WWOX: variants seen among roughly 807,000 people sequenced by gnomAD.
WWOX encodes WW domain containing oxidoreductase.
In WWOX, 69 loss-of-function variants were observed where a neutral mutation model predicts 46.2. The ratio of observed to expected loss-of-function variants is 1.49; its 90% CI spans 1.23 to 1.82. The LOEUF is 1.82. Ranked by LOEUF, WWOX falls within the 40% of genes most tolerant of loss-of-function variation. The pLI, the probability that WWOX is intolerant of heterozygous loss-of-function variation, is 0.00. For missense variants in WWOX, 919 were observed against 542.6 expected, an observed-to-expected ratio of 1.69 and a Z score of -6.89; for synonymous variants, 359 against 202.6, an observed-to-expected ratio of 1.77 and a Z score of -6.56.
At chr16:79,116,419 A>G (rs1018164495) in intron 8 of WWOX, among the ~76,000 whole-genome samples, 5 of 152,220 alleles carry the variant, frequency 3.3e-5, no homozygotes, top group Admixed American at 6.5e-5. Flanking sequence ...GGAATATTCT[A>G]AATCCTCTGT....
intron 7 of WWOX, among the ~76,000 whole-genome samples, chr16:78,429,061 C>T (rs1297850307): frequency 6.6e-6 from 1 of 152,204 alleles, no homozygotes; most frequent in Non-Finnish European, 1.5e-5. Flanking sequence ...CATGACCAAA[C>T]TGTAATCATC....
chr16:78,786,341 A>G (rs1202909557), intron 8 of WWOX, among the ~76,000 whole-genome samples: 1 of 152,206 alleles, frequency 6.6e-6, no homozygotes, highest in Non-Finnish European at 1.5e-5. Context: ...TAAGTTATAA[A>G]TATGAGATCA....
At chr16:79,022,422 G>T (rs750500079) in intron 8 of WWOX, among the ~76,000 whole-genome samples, 1 of 149,578 alleles carries the variant, frequency 6.7e-6, no homozygotes, top group Admixed American at 6.7e-5. Context: ...ACATGCCCCA[G>T]TCGCTAGTAA....
In WWOX at chr16:78,814,437, A is replaced by G. The variant is rs116138240; in HGVS notation, c.1056+381685A>G. Among the ~76,000 whole-genome samples, 626 of 152,136 alleles carry G rather than the reference A, an allele frequency of 4.1e-3. 4 individuals carry two copies. Among genetic ancestry groups the G allele is most frequent in the African/African-American group, 0.014 (589 of 41,510 alleles). ...AATCCTTACATCCCCTAATAAAACC[A>G]CTGTGTGATGAAACTACCAAGAAGC... On this transcript the variant is annotated intron_variant, in intron 8 of 8. Coordinates refer to ENST00000566780, the MANE Select transcript of WWOX (RefSeq NM_016373.4).
intron 8 of WWOX, among the ~76,000 whole-genome samples, chr16:78,804,551 G>T (rs1389482799): frequency 6.6e-6 from 1 of 152,224 alleles, no homozygotes; most frequent in Admixed American, 6.5e-5. Flanking sequence ...AGCCTGATGA[G>T]AACTGTGGTT....
chr16:78,261,606 A>G (rs1411451684), intron 5 of WWOX, among the ~76,000 whole-genome samples: 2 of 150,250 alleles, frequency 1.3e-5, no homozygotes, highest in African/African-American at 4.9e-5. Context: ...AACCTTAGGA[A>G]AAAAAGTCTG....
chr16:78,800,029 A>G (rs1454351564), intron 8 of WWOX, among the ~76,000 whole-genome samples: 1 of 152,158 alleles, frequency 6.6e-6, no homozygotes, highest in Non-Finnish European at 1.5e-5. Flanking sequence ...AAATGGGCAG[A>G]AGGGAAGGAA....
chr16:78,216,431 T>G (rs2036723830), intron 5 of WWOX, among the ~76,000 whole-genome samples: 1 of 152,178 alleles, frequency 6.6e-6, no homozygotes. Flanking sequence ...ATGTATTGTC[T>G]TTCAGTTCTG....
At chr16:78,811,713 G>A (rs2051194214) in intron 8 of WWOX, among the ~76,000 whole-genome samples, 1 of 151,870 alleles carries the variant, frequency 6.6e-6, no homozygotes, top group African/African-American at 2.4e-5. Context: ...CCTCATGAGG[G>A]GACCCATCCT....
At chr16:78,469,477 C>T (rs1231139800) in intron 8 of WWOX, among the ~76,000 whole-genome samples, 1 of 152,136 alleles carries the variant, frequency 6.6e-6, no homozygotes, top group East Asian at 1.9e-4. Context: ...ACAGGCTCCG[C>T]AGTGAGGGTG....
chr16:78,722,324 TG>T (rs1161219885), intron 8 of WWOX, among the ~76,000 whole-genome samples: 1 of 152,208 alleles, frequency 6.6e-6, no homozygotes, highest in African/African-American at 2.4e-5. Context: ...TCAAGGCTCT[TG>T]GTCTCAGTTT....
intron 8 of WWOX, among the ~76,000 whole-genome samples, chr16:79,080,427 A>C (rs2048739012): frequency 6.6e-6 from 1 of 152,170 alleles, no homozygotes; most frequent in South Asian, 2.1e-4. Context: ...CTAACACTGA[A>C]TCCCAAATCC....
Position 78,803,850 on chromosome 16 carries a change from A to C in WWOX, c.1056+371098A>C, listed in dbSNP as rs149449265. Among the ~76,000 whole-genome samples the C allele has an allele frequency of 7.4e-4, 113 of 152,294 alleles. 3 individuals carry two copies. The East Asian group carries it at 0.021, about 28-fold the overall frequency. ...AAAGAATTGAACAAATAAAATAGTC[A>C]GAGCTCAAAAATTGAGTACTGCTTC... On this transcript the variant is annotated intron_variant, in intron 8 of 8. Coordinates refer to ENST00000566780, the MANE Select transcript of WWOX (RefSeq NM_016373.4).
intron 8 of WWOX, among the ~76,000 whole-genome samples, chr16:78,952,806 A>G (rs558641891): frequency 7.9e-5 from 12 of 152,276 alleles, no homozygotes; most frequent in Non-Finnish European, 1.0e-4. Flanking sequence ...GCTGTTAACA[A>G]GTGTTTATTG....
chr16:78,882,556 A>G (rs548636041), intron 8 of WWOX, among the ~76,000 whole-genome samples: 22 of 148,700 alleles, frequency 1.5e-4, no homozygotes, highest in South Asian at 4.3e-4. Context: ...AGCTCACTGC[A>G]CCCTCCTTCT....
intron 5 of WWOX, among the ~76,000 whole-genome samples, chr16:78,362,587 C>T (rs1309703180): frequency 6.6e-6 from 1 of 151,738 alleles, no homozygotes; most frequent in Non-Finnish European, 1.5e-5. Flanking sequence ...CCAGCCTGGG[C>T]AATGGAGCAA....
At chr16:78,805,093 A>G (rs928475260) in intron 8 of WWOX, among the ~76,000 whole-genome samples, 1 of 152,228 alleles carries the variant, frequency 6.6e-6, no homozygotes, top group African/African-American at 2.4e-5. Context: ...GGTCTTGTAC[A>G]TGAAATTAAG....
chr16:79,083,590 A>G (rs1424371053), intron 8 of WWOX, among the ~76,000 whole-genome samples: 2 of 152,218 alleles, frequency 1.3e-5, no homozygotes, highest in Non-Finnish European at 2.9e-5. Context: ...TATGGCTGCA[A>G]CATCCTTCCA....
At chr16:78,509,710 A>C (rs927246764) in intron 8 of WWOX, among the ~76,000 whole-genome samples, 1 of 152,150 alleles carries the variant, frequency 6.6e-6, no homozygotes, top group African/African-American at 2.4e-5. Context: ...TGTTTTGTTT[A>C]TATTGTCTTG....
Sources: allele counts gnomAD v4.1 joint callset (sites outside exome capture counted in the v4.1 genomes callset), GRCh38; gene constraint gnomAD v4.1.1; transcripts MANE v1.5; gene names NCBI Gene and HGNC (gene_info 2026-07-23, HGNC 2026-07-21).